Variants in PPM1B observed in about 807,000 individuals in gnomAD.
PPM1B encodes the protein protein phosphatase, Mg2+/Mn2+ dependent 1B.
In PPM1B, 22 loss-of-function variants were observed where a neutral mutation model predicts 43.0. The observed-to-expected ratio is 0.51, with a 90% CI of 0.37 to 0.73. The LOEUF (loss-of-function observed/expected upper bound fraction) is 0.73, where lower values mean the gene tolerates loss of function less well. Among genes scored for constraint, PPM1B ranks in the 30% least tolerant of loss-of-function variants. PPM1B has a pLI of 0.00. For missense variants in PPM1B, 632 were observed against 584.2 expected (o/e 1.08, Z -0.84); for synonymous variants, 217 against 197.9 (o/e 1.10, Z -0.81).
At chr2:44,233,647 T>A, downstream of PPM1B, 5 of 985,858 alleles carry the variant, frequency 5.1e-6, no homozygotes, top group Non-Finnish European at 6.0e-6. Context: ...TGAGTCATCA[T>A]CTGGTCCTTT....
intron 3 of PPM1B, among the ~76,000 whole-genome samples, chr2:44,216,931 C>T (rs1470954841): frequency 2.7e-5 from 4 of 148,878 alleles, no homozygotes; most frequent in Admixed American, 1.3e-4. Context: ...ATTCACCATA[C>T]AGAGGGGTTG....
intron 5 of PPM1B, among the ~76,000 whole-genome samples, chr2:44,241,515 T>C (rs1329992432): frequency 7.0e-6 from 1 of 142,674 alleles, no homozygotes; most frequent in Admixed American, 7.0e-5. Context: ...AGAGATCACT[T>C]GAGGTCAAGA....
intron 3 of PPM1B, chr2:44,213,725 C>T (rs1669589696): frequency 6.6e-6 from 1 of 152,030 alleles, no homozygotes; most frequent in African/African-American, 2.4e-5. Flanking sequence ...TCAATGAGTC[C>T]TGCTTTGAGG....
chr2:44,173,402 T>G (rs1010683433), intron 1 of PPM1B, among the ~76,000 whole-genome samples: 2 of 152,210 alleles, frequency 1.3e-5, no homozygotes, highest in African/African-American at 4.8e-5. Flanking sequence ...CTTTTTAGTT[T>G]TCTTTTTTCA....
At position 44,201,790 on chromosome 2, in the gene PPM1B, A is replaced by G. The variant is rs369515273; in HGVS notation, c.591A>G (p.Ala197=). The change falls in exon 2 of 6, where the codon GCA becomes GCG. Residue 197 remains alanine (A), a synonymous_variant. Coordinates refer to ENST00000282412, the MANE Select transcript of PPM1B (RefSeq NM_002706.6). This position sits in a 1 kb window ranked among gnomAD's most constrained non-coding sequence, Gnocchi z 5.4. ...TACAACGTGTTAATGGTTCATTAGC[A>G]GTATCTCGTGCTCTGGGGGACTATG... ...VMIQRVNGSL[A]VSRALGDYDY... 1 of 1,614,244 alleles carries G rather than the reference A, an allele frequency of 6.2e-7. No individual in the cohort carries two copies.
intron 3 of PPM1B, among the ~76,000 whole-genome samples, chr2:44,215,095 T>G (rs1669661161): frequency 6.6e-6 from 1 of 152,222 alleles, no homozygotes. Context: ...ATATGTAATA[T>G]GATCTCTAGG....
intron 1 of PPM1B, among the ~76,000 whole-genome samples, chr2:44,170,361 C>T (rs1261164551): frequency 6.6e-6 from 1 of 152,184 alleles, no homozygotes. Flanking sequence ...AGTTGGCAGG[C>T]ATGTTGTAAA....
At chr2:44,181,086 G>A (rs1024031360) in intron 1 of PPM1B, among the ~76,000 whole-genome samples, 3 of 151,998 alleles carry the variant, frequency 2.0e-5, no homozygotes, top group African/African-American at 7.3e-5. Flanking sequence ...CCGGGACCAC[G>A]GATGTGTGTC....
intron 3 of PPM1B, among the ~76,000 whole-genome samples, chr2:44,214,228 C>T (rs1284900455): frequency 6.6e-5 from 10 of 151,962 alleles, no homozygotes; most frequent in African/African-American, 1.4e-4. Context: ...TACAGATGCC[C>T]GCCACCATGC....
At chr2:44,215,049 C>T (rs1461301623) in intron 3 of PPM1B, among the ~76,000 whole-genome samples, 1 of 151,954 alleles carries the variant, frequency 6.6e-6, no homozygotes, top group East Asian at 1.9e-4. Context: ...TAGTTAGTAA[C>T]TTTCTAAAGT....
chr2:44,175,572 A>G (rs1332748621), intron 1 of PPM1B, among the ~76,000 whole-genome samples: 3 of 152,212 alleles, frequency 2.0e-5, no homozygotes, highest in East Asian at 1.9e-4. Flanking sequence ...CACAGTTTAC[A>G]TTACAGCTGA....
chr2:44,211,567 T>A (rs1470515468), intron 3 of PPM1B, among the ~76,000 whole-genome samples: 2 of 137,706 alleles, frequency 1.5e-5, no homozygotes, highest in Admixed American at 1.6e-4. Flanking sequence ...ATAATTATGT[T>A]ATACCTAATA....
intron 5 of PPM1B, among the ~76,000 whole-genome samples, chr2:44,226,735 CTTTTTTTTTTTTTT>C (rs60750702): frequency 2.4e-4 from 16 of 66,696 alleles, no homozygotes; most frequent in African/African-American, 9.7e-4. Context: ...AGGTTTTTAT[CTTTTTTTTTTTTTT>C]TTTTTTTTTT....
chr2:44,229,619 A>AT (rs1297167002), intron 5 of PPM1B, among the ~76,000 whole-genome samples: 1 of 152,170 alleles, frequency 6.6e-6, no homozygotes, highest in Non-Finnish European at 1.5e-5. Flanking sequence ...CATTCTAAAC[A>AT]TTTTTTGGCA....
chr2:44,217,802 A>C, intron 3 of PPM1B, 165 bp from the exon 4 acceptor site: 1 of 429,426 alleles, frequency 2.3e-6, no homozygotes, highest in Non-Finnish European at 4.2e-6. Flanking sequence ...GTTTCAGTCA[A>C]TAAGTAGCTT....
chr2:44,225,151 A>G (rs1038952097), intron 5 of PPM1B, among the ~76,000 whole-genome samples: 1 of 152,198 alleles, frequency 6.6e-6, no homozygotes, highest in Non-Finnish European at 1.5e-5. Context: ...ACCTGTGAGG[A>G]TTCAGTAAGA....
At chr2:44,174,746 A>G (rs1667502024) in intron 1 of PPM1B, among the ~76,000 whole-genome samples, 1 of 152,178 alleles carries the variant, frequency 6.6e-6, no homozygotes, top group South Asian at 2.1e-4. Context: ...ATCGCATTTT[A>G]TTTTCTTGAT....
At chr2:44,230,131 C>G (rs1670404950) in intron 5 of PPM1B, 2 of 1,455,032 alleles carry the variant, frequency 1.4e-6, no homozygotes, top group African/African-American at 1.4e-5. Flanking sequence ...GCTTGTGTTG[C>G]TGTTGAATTA....
chr2:44,205,052 C>T (rs915312295), intron 2 of PPM1B, among the ~76,000 whole-genome samples: 15 of 152,166 alleles, frequency 9.9e-5, no homozygotes, highest in African/African-American at 3.6e-4. Context: ...GTGTTTACTG[C>T]CAACTAATTT....
Sources: gnomAD v4.1 joint callset for allele counts (sites outside exome capture counted in the v4.1 genomes callset) on GRCh38, gnomAD v4.1.1 for gene constraint, Gnocchi (gnomAD v3.1) non-coding constraint, MANE v1.5 for transcripts, NCBI Gene and HGNC (gene_info 2026-07-23, HGNC 2026-07-21) for gene names.